SLC9C1: variants seen among roughly 807,000 people sequenced by gnomAD.
The protein encoded by SLC9C1 is solute carrier family 9 member C1, also known as sodium/hydrogen exchanger 10.
A neutral mutation model predicts 140.9 loss-of-function variants in SLC9C1; 97 were observed. The ratio of observed to expected loss-of-function variants is 0.69; its 90% confidence interval spans 0.58 to 0.82. The LOEUF is 0.82. Ranked by LOEUF, SLC9C1 falls within the 40% of genes least tolerant of loss-of-function variation. The probability of loss-of-function intolerance (pLI) is 0.00; values close to 1 mark genes in which losing one functional copy is unlikely to be tolerated. For synonymous variants in SLC9C1, 440 were observed against 442.6 expected (o/e 0.99, Z 0.07); for missense variants, 1,340 against 1,389.3 (o/e 0.96, Z 0.56).
chr3:112,243,889 A>T (rs1358696095), intron 11 of SLC9C1, 106 bp downstream of exon 11: 4 of 721,440 alleles, frequency 5.5e-6, no homozygotes, highest in African/African-American at 1.8e-5. Context: ...CGGGGGTCTC[A>T]CTATGTTGCC....
chr3:112,162,161 A>T (rs1346130574), intron 26 of SLC9C1, among the ~76,000 whole-genome samples: 1 of 152,162 alleles, frequency 6.6e-6, no homozygotes, highest in Non-Finnish European at 1.5e-5. Context: ...GAGCTTAAGG[A>T]GATTTTGGGC....
At chr3:112,276,699 A>G (rs1408660620) in intron 5 of SLC9C1, among the ~76,000 whole-genome samples, 1 of 152,068 alleles carries the variant, frequency 6.6e-6, no homozygotes, top group Non-Finnish European at 1.5e-5. Context: ...GCTCTCAGGT[A>G]TCATAAGAGT....
At chr3:112,163,591 A>T (rs1366150432) in intron 26 of SLC9C1, among the ~76,000 whole-genome samples, 1 of 151,760 alleles carries the variant, frequency 6.6e-6, no homozygotes, top group Non-Finnish European at 1.5e-5. Context: ...TTTGAGTGAG[A>T]TTCTTAATCC....
chr3:112,239,699 A>G, intron 12 of SLC9C1, 141 bp downstream of exon 12: 1 of 831,652 alleles, frequency 1.2e-6, no homozygotes, highest in Non-Finnish European at 1.8e-6. Context: ...CCCCCTTACT[A>G]CTTTGTTAAA....
At chr3:112,200,362 G>A (rs2077875922) in intron 19 of SLC9C1, among the ~76,000 whole-genome samples, 1 of 152,032 alleles carries the variant, frequency 6.6e-6, no homozygotes, top group Non-Finnish European at 1.5e-5. Context: ...GAGGAAAAAC[G>A]TAACTTCTTT....
intron 16 of SLC9C1, among the ~76,000 whole-genome samples, chr3:112,206,457 T>G (rs978714748): frequency 6.6e-6 from 1 of 152,104 alleles, no homozygotes; most frequent in African/African-American, 2.4e-5. Context: ...GATCTAGAAC[T>G]AGAAATACCA....
intron 10 of SLC9C1, among the ~76,000 whole-genome samples, chr3:112,250,427 T>C (rs4414822): frequency 0.54 from 62,856 of 116,318 alleles, 19,248 homozygotes; most frequent in East Asian, 0.77. Context: ...GGTATATACC[T>C]AGTAATGGGA....
intron 10 of SLC9C1, among the ~76,000 whole-genome samples, chr3:112,246,103 C>T (rs2079276396): frequency 6.6e-6 from 1 of 152,014 alleles, no homozygotes; most frequent in Admixed American, 6.6e-5. Flanking sequence ...CCTTTTTGTT[C>T]TTCATTTTCT....
chr3:112,153,280 CTGTT>C (rs2075035128), intron 27 of SLC9C1, among the ~76,000 whole-genome samples: 1 of 151,888 alleles, frequency 6.6e-6, no homozygotes, highest in Admixed American at 6.6e-5. Context: ...AAAAGCAGCA[CTGTT>C]TGAGGCTAGG....
intron 20 of SLC9C1, chr3:112,185,498 C>G (rs1225968239): frequency 6.2e-7 from 1 of 1,611,622 alleles, no homozygotes; most frequent in East Asian, 2.2e-5. Flanking sequence ...GGCTGATGAT[C>G]TCTCCTTTTT....
chr3:112,256,009 A>G lies in SLC9C1; in HGVS notation c.1197+6915T>C, dbSNP rs965775202. On this transcript the variant is annotated intron_variant, in intron 10 of 28. Coordinates refer to ENST00000305815, the MANE Select transcript of SLC9C1 (RefSeq NM_183061.3). ...GATGGATAAGTTCCTAGACACATACATCTTTCCAAGCCTCAACCAGGAAGA... is the reference window on the plus strand; with the variant it reads ...GATGGATAAGTTCCTAGACACATACGTCTTTCCAAGCCTCAACCAGGAAGA... Among the ~76,000 whole-genome samples, 4 of 151,128 alleles carry G rather than the reference A, an allele frequency of 2.6e-5. No homozygotes were observed. In the South Asian group the frequency reaches 6.4e-4, roughly 24 times the overall value.
At chr3:112,186,506 A>G (rs1273314556) in intron 20 of SLC9C1, among the ~76,000 whole-genome samples, 1 of 152,240 alleles carries the variant, frequency 6.6e-6, no homozygotes, top group Non-Finnish European at 1.5e-5. Context: ...GATCAAGTCA[A>G]TATCACAAAG....
At chr3:112,236,304 G>A (rs2078984707) in intron 12 of SLC9C1, among the ~76,000 whole-genome samples, 1 of 151,996 alleles carries the variant, frequency 6.6e-6, no homozygotes, top group South Asian at 2.1e-4. Context: ...TTCTGTGGGA[G>A]TGGTGGTGAC....
At chr3:112,278,528 C>T (rs1311324274) in intron 4 of SLC9C1, among the ~76,000 whole-genome samples, 1 of 152,080 alleles carries the variant, frequency 6.6e-6, no homozygotes, top group Non-Finnish European at 1.5e-5. Flanking sequence ...TGTTTTCTTT[C>T]TAATTTTTCC....
chr3:112,195,840 CAA>C (rs1323689681), intron 20 of SLC9C1, among the ~76,000 whole-genome samples: 2 of 151,906 alleles, frequency 1.3e-5, no homozygotes, highest in Non-Finnish European at 2.9e-5. Context: ...TAATGCAATC[CAA>C]AGTTAAAATA....
At chr3:112,181,598 T>G (rs1434633914) in intron 21 of SLC9C1, among the ~76,000 whole-genome samples, 6 of 152,162 alleles carry the variant, frequency 3.9e-5, no homozygotes, top group Non-Finnish European at 8.8e-5. Flanking sequence ...GACCTAAAGA[T>G]AATTGTAATG....
Position 112,208,320 on chromosome 3 carries a change from T to C in SLC9C1, c.1844A>G (p.His615Arg). Residue 615 changes from histidine to arginine, a missense_variant, in exon 16 of 29, where the codon CAT (histidine) becomes CGT (arginine). Coordinates refer to ENST00000305815, the MANE Select transcript of SLC9C1 (RefSeq NM_183061.3). ...HTIVFTEEFE[H>R]VGYLVILMNI... ...CATTAATATCACAAGGTATCCAACA[T>C]GTTCAAATTCCTCAGTAAATACTAT... The C allele has an allele frequency of 6.2e-7, 1 of 1,606,454 alleles. No homozygotes were observed. The highest frequency in any genetic ancestry group is 1.7e-4 in the Middle Eastern group (1 of 5,994).
At chr3:112,178,342 A>G (rs942668709) in intron 23 of SLC9C1, among the ~76,000 whole-genome samples, 5 of 151,818 alleles carry the variant, frequency 3.3e-5, no homozygotes, top group African/African-American at 1.2e-4. Context: ...GTTGCAGGCC[A>G]GTCTCAAACT....
intron 28 of SLC9C1, among the ~76,000 whole-genome samples, chr3:112,150,763 A>T (rs111387188): frequency 7.1e-4 from 101 of 142,648 alleles, no homozygotes; most frequent in Middle Eastern, 3.7e-3. Flanking sequence ...TATATATATA[A>T]AAATACATAT....
Sources: gnomAD v4.1 joint callset for allele counts (sites outside exome capture counted in the v4.1 genomes callset) on GRCh38, gnomAD v4.1.1 for gene constraint, MANE v1.5 for transcripts, NCBI Gene and HGNC (gene_info 2026-07-23, HGNC 2026-07-21) for gene names.